FAM184B: variants seen among roughly 807,000 people sequenced by gnomAD.
FAM184B encodes the protein family with sequence similarity 184 member B, also known as protein FAM184B.
A neutral mutation model predicts 135.9 loss-of-function variants in FAM184B; 111 were observed. The observed-to-expected ratio is 0.82, with a 90% CI of 0.70 to 0.96. The LOEUF (loss-of-function observed/expected upper bound fraction) is 0.96, where lower values mean the gene tolerates loss of function less well. FAM184B is among the 40% of genes least tolerant of loss of function. The pLI is 0.00. For missense variants in FAM184B, 1,375 were observed against 1,323.9 expected, an observed-to-expected ratio of 1.04 and a Z score of -0.60; for synonymous variants, 552 against 524.8, an observed-to-expected ratio of 1.05 and a Z score of -0.71.
At chr4:17,764,812 C>A in intron 1 of FAM184B, among the ~76,000 whole-genome samples, 1 of 152,196 alleles carries the variant, frequency 6.6e-6, no homozygotes, top group East Asian at 1.9e-4. Context: ...CGCCTGTAAT[C>A]TCAGCGCTTT....
chr4:17,714,671 GTGAAAGGTACAAAGTAAAATCAGC>G, intron 1 of FAM184B, among the ~76,000 whole-genome samples: 1 of 152,276 alleles, frequency 6.6e-6, no homozygotes, highest in East Asian at 1.9e-4. Flanking sequence ...ATTTATGACA[GTGAAAGGTACAAAGTAAAATCAGC>G]TAAAAGGAAA....
chr4:17,776,746 A>T (rs895208402), intron 1 of FAM184B, among the ~76,000 whole-genome samples: 1 of 151,832 alleles, frequency 6.6e-6, no homozygotes, highest in African/African-American at 2.4e-5. Context: ...TTTTTTTTAG[A>T]GGAGGTGGGA....
intron 5 of FAM184B, among the ~76,000 whole-genome samples, chr4:17,694,590 G>T (rs1716812248): frequency 6.6e-6 from 1 of 152,038 alleles, no homozygotes; most frequent in Non-Finnish European, 1.5e-5. Flanking sequence ...TGGAAATTGT[G>T]CAAGTATCTA....
intron 1 of FAM184B, among the ~76,000 whole-genome samples, chr4:17,765,341 A>C (rs1718641126): frequency 6.6e-6 from 1 of 152,124 alleles, no homozygotes; most frequent in Admixed American, 6.5e-5. Context: ...GCTCACAGGA[A>C]TCTACCTCAA....
intron 15 of FAM184B, 36 bp from the exon 16 acceptor site, chr4:17,635,149 A>G: frequency 7.4e-6 from 11 of 1,487,166 alleles, no homozygotes; most frequent in Admixed American, 2.0e-5. Context: ...AAATGAGCCT[A>G]ACCACACAGC....
chr4:17,667,587 A>G (rs980558376), intron 7 of FAM184B, among the ~76,000 whole-genome samples: 1 of 152,188 alleles, frequency 6.6e-6, no homozygotes, highest in African/African-American at 2.4e-5. Flanking sequence ...ATGGCCTGAG[A>G]GAGAGTAAAC....
chr4:17,655,969 C>T (rs1715769655), intron 10 of FAM184B, among the ~76,000 whole-genome samples: 1 of 152,266 alleles, frequency 6.6e-6, no homozygotes, highest in South Asian at 2.1e-4. Context: ...ATCCGAGCTC[C>T]CACACTTTGT....
intron 11 of FAM184B, among the ~76,000 whole-genome samples, chr4:17,649,365 A>G (rs1390404449): frequency 6.6e-6 from 1 of 151,872 alleles, no homozygotes; most frequent in Non-Finnish European, 1.5e-5. Flanking sequence ...TGGGTGGATC[A>G]CGAGGTCAGG....
At chr4:17,679,661 T>C (rs1247871148) in intron 7 of FAM184B, among the ~76,000 whole-genome samples, 2 of 152,034 alleles carry the variant, frequency 1.3e-5, no homozygotes, top group Non-Finnish European at 2.9e-5. Context: ...CTACCCCCAA[T>C]CCCACTACTG....
intron 1 of FAM184B, among the ~76,000 whole-genome samples, chr4:17,743,810 TAAAC>T (rs1170758965): frequency 6.6e-6 from 1 of 152,196 alleles, no homozygotes; most frequent in Non-Finnish European, 1.5e-5. Context: ...CTATTGTTGA[TAAAC>T]AACCACTAAC....
intron 7 of FAM184B, among the ~76,000 whole-genome samples, chr4:17,687,711 G>C (rs1177373925): frequency 6.6e-6 from 1 of 152,150 alleles, no homozygotes; most frequent in Non-Finnish European, 1.5e-5. Context: ...TCGGAGTGAC[G>C]TGTTTGCAAG....
At chr4:17,695,738 A>C (rs189197796) in intron 5 of FAM184B, among the ~76,000 whole-genome samples, 47 of 152,300 alleles carry the variant, frequency 3.1e-4, no homozygotes, top group African/African-American at 1.0e-3. Flanking sequence ...GAGTGGATTC[A>C]GGGACCATCT....
intron 6 of FAM184B, 70 bp downstream of exon 6, chr4:17,693,231 CT>C (rs1716775314): frequency 8.2e-7 from 1 of 1,216,058 alleles, no homozygotes; most frequent in Non-Finnish European, 1.2e-6. Flanking sequence ...AAATTCTTGG[CT>C]TCTCAGTTAG....
intron 6 of FAM184B, among the ~76,000 whole-genome samples, chr4:17,689,110 A>G (rs1716664887): frequency 6.6e-6 from 1 of 152,144 alleles, no homozygotes; most frequent in South Asian, 2.1e-4. Flanking sequence ...TCTATACTCG[A>G]TCTGTAGGGT....
rs1560165284 is a variant in FAM184B at position 17,641,642 on chromosome 4, C to CTTTTT, written c.2519+413_2519+414insAAAAA. ...TACAGGCACACACCACCACGCCCGG[C>CTTTTT]CTTTTTTTTTTTTTTTTTTTTTTTT... On this transcript the variant is annotated intron_variant, in intron 13 of 17. Transcript: ENST00000265018. Among the ~76,000 whole-genome samples the CTTTTT allele has an allele frequency of 2.3e-4, 8 of 34,456 alleles. 1 individual carries two copies. Among genetic ancestry groups the CTTTTT allele is most frequent in the African/African-American group, 6.7e-4 (8 of 11,958 alleles). 22.6% of individuals were successfully genotyped at this position (34,456 alleles called of 152,430 possible).
intron 11 of FAM184B, among the ~76,000 whole-genome samples, chr4:17,649,785 C>G (rs1329077796): frequency 6.6e-6 from 1 of 152,028 alleles, no homozygotes; most frequent in Non-Finnish European, 1.5e-5. Context: ...TCATACCTTC[C>G]CACCATTCAT....
intron 14 of FAM184B, among the ~76,000 whole-genome samples, chr4:17,636,870 CTG>C (rs1715156548): frequency 6.6e-6 from 1 of 152,182 alleles, no homozygotes; most frequent in Admixed American, 6.5e-5. Context: ...GCAAAGGCCC[CTG>C]TGTGCACATA....
At chr4:17,659,702 T>C (rs1715868448) in intron 9 of FAM184B, among the ~76,000 whole-genome samples, 2 of 152,158 alleles carry the variant, frequency 1.3e-5, no homozygotes, top group African/African-American at 2.4e-5. Flanking sequence ...GCCAGGCTGG[T>C]CTCGAACTCC....
At chr4:17,715,229 C>G (rs1399896945) in intron 1 of FAM184B, among the ~76,000 whole-genome samples, 2 of 152,050 alleles carry the variant, frequency 1.3e-5, no homozygotes, top group Non-Finnish European at 2.9e-5. Flanking sequence ...AATCCCAGCA[C>G]TTTGGGACGC....
Sources: allele counts gnomAD v4.1 joint callset (sites outside exome capture counted in the v4.1 genomes callset), GRCh38; gene constraint gnomAD v4.1.1; transcripts MANE v1.5; gene names NCBI Gene and HGNC (gene_info 2026-07-23, HGNC 2026-07-21).